CANT1: variants seen among roughly 807,000 people sequenced by gnomAD.
CANT1 encodes the protein soluble calcium-activated nucleotidase 1.
Under a neutral mutation model 30.0 loss-of-function variants are expected in CANT1, and 26 were observed. That is an observed-to-expected ratio of 0.87 (90% CI 0.64 to 1.20). The LOEUF is 1.20. Ranked by LOEUF, CANT1 falls within the 50% of genes most tolerant of loss-of-function variation. The pLI, the probability that CANT1 is intolerant of heterozygous loss-of-function variation, is 0.00. For synonymous variants in CANT1, 246 were observed against 251.8 expected, an observed-to-expected ratio of 0.98 and a Z score of 0.22; for missense variants, 518 against 563.0, an observed-to-expected ratio of 0.92 and a Z score of 0.81.
rs1437120456 is a variant in CANT1, at chr17:78,998,879, C to T, written c.-146-916G>A. Among the ~76,000 whole-genome samples the T allele has an allele frequency of 6.6e-6, 1 of 152,232 alleles. No homozygotes were observed. Among genetic ancestry groups the T allele is most frequent in the Non-Finnish European group, 1.5e-5 (1 of 68,036 alleles). ...GGTCCTCCTTGAGAAAACAACAAAG[C>T]AGCAAACATGTGCCTTTATGGGCAG... On this transcript the variant is annotated intron_variant, in intron 1 of 4. Transcript: ENST00000392446. The surrounding 1 kb of genome is among the most constrained non-coding windows in gnomAD (Gnocchi z 4.5).
rs578088772 is a variant in CANT1 at position 78,998,850 on chromosome 17, G to A, written c.-146-887C>T. ...AATCCCGGCCTGAGAAGCTTCCCTG[G>A]CTGGGTCCTCCTTGAGAAAACAACA... On this transcript the variant is annotated intron_variant, in intron 1 of 4. Coordinates refer to ENST00000392446, the MANE Select transcript of CANT1 (RefSeq NM_001159773.2). This position sits in a 1 kb window ranked among gnomAD's most constrained non-coding sequence, Gnocchi z 4.5. 3.3e-5 allele frequency among the ~76,000 whole-genome samples: 5 copies of A among 152,332 alleles called. No homozygotes were observed. The South Asian group carries it at 1.0e-3, about 32-fold the overall frequency.
At chr17:79,005,198 AG>A (rs569364401) in intron 1 of CANT1, among the ~76,000 whole-genome samples, 189 of 76,198 alleles carry the variant, frequency 2.5e-3, no homozygotes, top group African/African-American at 9.7e-3. Context: ...GGAGTTAGGG[AG>A]AGGGGAGTTA....
Position 78,997,586 on chromosome 17 carries a change from C to G in CANT1, c.37G>C (p.Glu13Gln). Residue 13 changes from glutamate to glutamine, a missense_variant, in exon 3 of 5, where the codon GAG (glutamate) becomes CAG (glutamine). This residue lies in a region of CANT1 where 249 missense variants were observed against 268.8 expected (regional missense o/e 0.93). Transcript: ENST00000392446. This position sits in a 1 kb window ranked among gnomAD's most constrained non-coding sequence, Gnocchi z 7.5. ...CTGATCCGGAGGGAGTGCATAGACT[C>G]ATTCCATTCCGGGTGCTCAGACAGC... The part of the protein sequence containing the change: ...VQLSEHPEWN[E>Q]SMHSLRISVG... 1 of 1,564,802 alleles carries G rather than the reference C, an allele frequency of 6.4e-7. No individual in the cohort carries two copies. The highest frequency in any genetic ancestry group is 1.2e-5 in the South Asian group (1 of 83,352).
Position 78,997,561 on chromosome 17 carries a change from C to A in CANT1, c.62G>T (p.Ser21Ile). The stretch of plus-strand genomic sequence containing the variant: ...CGCCAGCACAGGAAGGCCCCCCACA[C>A]TGATCCGGAGGGAGTGCATAGACTC... ...WNESMHSLRI[S>I]VGGLPVLASM... The change falls in exon 3 of 5, where the codon AGT becomes ATT. Residue 21 changes from serine to isoleucine, a missense_variant. Around this residue, in one of 3 missense-constraint regions of CANT1, gnomAD observed 249 missense variants for 268.8 expected, o/e 0.93. Transcript: ENST00000392446. This position sits in a 1 kb window ranked among gnomAD's most constrained non-coding sequence, Gnocchi z 7.5. 1 of 1,564,264 alleles carries A rather than the reference C, an allele frequency of 6.4e-7. No individual in the cohort carries two copies. The highest frequency in any genetic ancestry group is 8.7e-7 in the Non-Finnish European group (1 of 1,154,742).
At position 78,995,942 on chromosome 17, in the gene CANT1, A is replaced by G. The variant is rs997135371; in HGVS notation, c.632-721T>C. Among the ~76,000 whole-genome samples the G allele has an allele frequency of 2.0e-5, 3 of 151,932 alleles. No individual in the cohort carries two copies. Among genetic ancestry groups the G allele is most frequent in the Non-Finnish European group, 2.9e-5 (2 of 67,980 alleles). ...GGTCTCCTGGTCTGCTTGTGCGATG[A>G]GACATTCTCCATGCCAGGGTCTTCC... On this transcript the variant is annotated intron_variant, in intron 3 of 4. Coordinates refer to ENST00000392446, the MANE Select transcript of CANT1 (RefSeq NM_001159773.2). The surrounding 1 kb of genome is among the most constrained non-coding windows in gnomAD (Gnocchi z 5.7).
At position 78,991,892 on chromosome 17, in the gene CANT1, G is replaced by A; in HGVS notation, c.*1658C>T. ...TTCCGGGCACCTGGGCTGTGACTCAGGTGCTGACATGAATACATCAGCAAG... is the reference window on the plus strand; with the variant it reads ...TTCCGGGCACCTGGGCTGTGACTCAAGTGCTGACATGAATACATCAGCAAG... On this transcript the variant is annotated 3_prime_UTR_variant, in exon 5 of 5. Coordinates refer to ENST00000392446, the MANE Select transcript of CANT1 (RefSeq NM_001159773.2). 4.3e-6 allele frequency: 1 copy of A among 231,642 alleles called. No homozygotes were observed. Among genetic ancestry groups the A allele is most frequent in the East Asian group, 6.1e-5 (1 of 16,380 alleles). The allele number at this position is 231,642 out of a possible 1,614,324, so 14.3% of individuals were successfully genotyped here.
intron 1 of CANT1, among the ~76,000 whole-genome samples, chr17:78,999,270 C>T (rs2071155919): frequency 6.6e-6 from 1 of 152,156 alleles, no homozygotes; most frequent in African/African-American, 2.4e-5. Flanking sequence ...CTTTAAGGGG[C>T]AGGCCTCTCA....
At chr17:79,001,990 C>T (rs1484758912) in intron 1 of CANT1, among the ~76,000 whole-genome samples, 1 of 152,074 alleles carries the variant, frequency 6.6e-6, no homozygotes, top group African/African-American at 2.4e-5. Flanking sequence ...CGTGTCCCAC[C>T]CAGCTTGAGA....
chr17:78,996,816 A>G lies in CANT1; in HGVS notation c.631+176T>C. 4 of 858,622 alleles carry G rather than the reference A, an allele frequency of 4.7e-6. No individual in the cohort carries two copies. The South Asian group carries it at 5.3e-5, about 11-fold the overall frequency. 53.2% of individuals were successfully genotyped at this position (858,622 alleles called of 1,614,324 possible). ...GCTCAGTGTGAAGTGACAGTAGGCT[A>G]TGCTCCTGGCTAAGGGTAAGGGGGC... On this transcript the variant is annotated intron_variant, in intron 3 of 4. Coordinates refer to ENST00000392446, the MANE Select transcript of CANT1 (RefSeq NM_001159773.2). The surrounding 1 kb of genome is among the most constrained non-coding windows in gnomAD (Gnocchi z 5.1).
At chr17:79,001,790 C>T (rs1045711396) in intron 1 of CANT1, among the ~76,000 whole-genome samples, 1 of 152,148 alleles carries the variant, frequency 6.6e-6, no homozygotes, top group Admixed American at 6.5e-5. Context: ...TGACCTCTCC[C>T]AGGGCCTGCC....
At chr17:79,006,112 C>T (rs1031052771) in intron 1 of CANT1, 1 of 152,410 alleles carries the variant, frequency 6.6e-6, no homozygotes, top group South Asian at 2.1e-4. Flanking sequence ...TGCACCTGTC[C>T]CCGCCCCTAG....
chr17:78,993,541 C>G lies in CANT1; in HGVS notation c.*9G>C. 2.5e-6 allele frequency: 4 copies of G among 1,614,176 alleles called. No homozygotes were observed. Among genetic ancestry groups the G allele is most frequent in the Non-Finnish European group, 3.4e-6 (4 of 1,180,042 alleles). ...TCCTGATGGCCTTGCTCAGTGTTTC[C>G]GTTTTGAGTTAAATGAACTCGATGC... On this transcript the variant is annotated 3_prime_UTR_variant, in exon 5 of 5. Coordinates refer to ENST00000392446, the MANE Select transcript of CANT1 (RefSeq NM_001159773.2). The surrounding 1 kb of genome is among the most constrained non-coding windows in gnomAD (Gnocchi z 4.5).
intron 4 of CANT1, 113 bp downstream of exon 4, chr17:78,994,905 G>A (rs2070975589): frequency 2.6e-6 from 3 of 1,132,752 alleles, no homozygotes; most frequent in Non-Finnish European, 3.8e-6. Flanking sequence ...GGGTGACAGA[G>A]CAAGACTATG....
rs1046033787 is a variant in CANT1 at position 78,993,034 on chromosome 17, C to T, written c.*516G>A. The T allele has an allele frequency of 1.6e-5, 5 of 322,022 alleles. No individual in the cohort carries two copies. The highest frequency in any genetic ancestry group is 4.9e-5 in the South Asian group (1 of 20,332). 19.9% of individuals were successfully genotyped at this position (322,022 alleles called of 1,614,324 possible). A position where few individuals can be genotyped will look rare whatever the true frequency, so the allele number is the denominator to read the frequency against. ...GTGTCCCCAGGGGCCTGCCCTCACT[C>T]GTGACCATGCAATACCCTGCAACAT... On this transcript the variant is annotated 3_prime_UTR_variant, in exon 5 of 5. Coordinates refer to ENST00000392446, the MANE Select transcript of CANT1 (RefSeq NM_001159773.2). The surrounding 1 kb of genome is among the most constrained non-coding windows in gnomAD (Gnocchi z 4.5).
Position 78,997,899 on chromosome 17 carries a change from A to C in CANT1, c.-82T>G. On this transcript the variant is annotated 5_prime_UTR_variant, in exon 2 of 5. Coordinates refer to ENST00000392446, the MANE Select transcript of CANT1 (RefSeq NM_001159773.2). This position sits in a 1 kb window ranked among gnomAD's most constrained non-coding sequence, Gnocchi z 7.5. ...AAAATTACTCCATCTCCCCTGTCCC[A>C]GCTGGCAACGTGGGAAGCTGAGTGA... The C allele has an allele frequency of 2.5e-6, 1 of 395,804 alleles. No homozygotes were observed. The highest frequency in any genetic ancestry group is 4.5e-6 in the Non-Finnish European group (1 of 221,194). 24.5% of individuals were successfully genotyped at this position (395,804 alleles called of 1,614,324 possible). A position where few individuals can be genotyped will look rare whatever the true frequency, so the allele number is the denominator to read the frequency against.
Position 78,997,300 on chromosome 17 carries a change from G to A in CANT1, c.323C>T (p.Ala108Val). The A allele has an allele frequency of 6.2e-7, 1 of 1,614,170 alleles. No individual in the cohort carries two copies. The highest frequency in any genetic ancestry group is 8.5e-7 in the Non-Finnish European group (1 of 1,180,042). Residue 108 changes from alanine to valine, a missense_variant, in exon 3 of 5, where the codon GCA becomes GTA. Ala to Val is a moderately conservative substitution (Grantham distance 64). Transcript: ENST00000392446. This position sits in a 1 kb window ranked among gnomAD's most constrained non-coding sequence, Gnocchi z 7.5. Reference sequence around the variant, plus strand: ...CTCTGTGTCCAGGTCTGCGATAACTGCGATTCGATACCGAATCCCAGCCGG... The same window carrying A: ...CTCTGTGTCCAGGTCTGCGATAACTACGATTCGATACCGAATCCCAGCCGG... The part of the protein sequence containing the change: ...RTPAGIRYRI[A>V]VIADLDTESR...
At chr17:79,003,906 G>A (rs895304052) in intron 1 of CANT1, among the ~76,000 whole-genome samples, 3 of 139,590 alleles carry the variant, frequency 2.1e-5, no homozygotes, top group Admixed American at 7.3e-5. Context: ...CTCCCAGAGC[G>A]CAGGGGAGCC....
At position 78,997,693 on chromosome 17, in the gene CANT1, G is replaced by A; in HGVS notation, c.-22-49C>T. The stretch of plus-strand genomic sequence containing the variant: ...AGGAGTCAGCGCCTCCGCAAGCCCA[G>A]TCACATCTTAGTTCCGGAAGCTGCA... On this transcript the variant is annotated intron_variant, in intron 2 of 4. Transcript: ENST00000392446. The surrounding 1 kb of genome is among the most constrained non-coding windows in gnomAD (Gnocchi z 7.5). 6.8e-7 allele frequency: 1 copy of A among 1,460,066 alleles called. No individual in the cohort carries two copies. The highest frequency in any genetic ancestry group is 9.1e-7 in the Non-Finnish European group (1 of 1,098,822). The allele number at this position is 1,460,066 out of a possible 1,614,324, so 90.4% of individuals were successfully genotyped here. A position where few individuals can be genotyped will look rare whatever the true frequency, so the allele number is the denominator to read the frequency against.
At position 79,005,158 on chromosome 17, in the gene CANT1, GA is replaced by G. The variant is rs2071490061; in HGVS notation, c.-147+4505del. Among the ~76,000 whole-genome samples, 12 of 111,566 alleles carry G rather than the reference GA, an allele frequency of 1.1e-4. No homozygotes were observed. In the East Asian group the frequency reaches 1.1e-3, roughly 10 times the overall value. The allele number at this position is 111,566 out of a possible 152,430, so 73.2% of individuals were successfully genotyped here. A position where few individuals can be genotyped will look rare whatever the true frequency, so the allele number is the denominator to read the frequency against. Reference sequence around the variant, plus strand: ...GATTTAGGGAGGGGGGAGTTAGGGAGAGGAGTTAAGGAGAGGGGAGTTAGGG... The same window carrying G: ...GATTTAGGGAGGGGGGAGTTAGGGAGGGAGTTAAGGAGAGGGGAGTTAGGG... On this transcript the variant is annotated intron_variant, in intron 1 of 4. Transcript: ENST00000392446.
Sources: gnomAD v4.1 joint callset for allele counts (sites outside exome capture counted in the v4.1 genomes callset) on GRCh38, gnomAD v4.1.1 for gene constraint, gnomAD v4.1.1 regional missense constraint, Gnocchi (gnomAD v3.1) non-coding constraint, MANE v1.5 for transcripts, NCBI Gene and HGNC (gene_info 2026-07-23, HGNC 2026-07-21) for gene names.